Variants in CLEC2B observed in about 807,000 individuals in gnomAD.
CLEC2B encodes C-type lectin domain family 2 member B.
A neutral mutation model predicts 16.2 loss-of-function variants in CLEC2B; 14 were observed. That is an observed-to-expected ratio of 0.86 (90% CI 0.57 to 1.35). The LOEUF (loss-of-function observed/expected upper bound fraction) is 1.35. Ranked by LOEUF, CLEC2B falls within the 40% of genes most tolerant of loss-of-function variation. The pLI, the probability that CLEC2B is intolerant of heterozygous loss-of-function variation, is 0.00. For missense variants in CLEC2B, 166 were observed against 182.3 expected, an observed-to-expected ratio of 0.91 and a Z score of 0.52; for synonymous variants, 42 against 55.8, an observed-to-expected ratio of 0.75 and a Z score of 1.10.
intron 3 of CLEC2B, among the ~76,000 whole-genome samples, chr12:9,855,087 C>T (rs1207315391): frequency 6.6e-6 from 1 of 152,056 alleles, no homozygotes. Flanking sequence ...CTTACCTCGA[C>T]CTTGCTTAAC....
intron 3 of CLEC2B, among the ~76,000 whole-genome samples, chr12:9,856,364 C>T (rs1233570469): frequency 6.6e-6 from 1 of 152,058 alleles, no homozygotes; most frequent in African/African-American, 2.4e-5. Flanking sequence ...TTGCAAAATT[C>T]AGCAGTGACG....
intron 2 of CLEC2B, among the ~76,000 whole-genome samples, chr12:9,858,473 C>G (rs1265236317): frequency 6.6e-6 from 1 of 151,852 alleles, no homozygotes; most frequent in South Asian, 2.1e-4. Context: ...TTTTTGGCAC[C>G]AAACATGATT....
Position 9,857,535 on chromosome 12 carries a change from C to G in CLEC2B, c.176G>C (p.Ser59Thr), listed in dbSNP as rs1308345863. Residue 59 changes from serine (S) to threonine (T), a missense_variant, in exon 3 of 5, where the codon AGT becomes ACT. By Grantham distance (58) the Ser-to-Thr change is moderately conservative. Coordinates refer to ENST00000228438, the MANE Select transcript of CLEC2B (RefSeq NM_005127.3). ...FSKEEGDWNS[S>T]KYNCSTQHAD... ...ATGTTGAGTGGAACAGTTGTATTTA[C>G]TTGAATTCCAATCTCCTTCTTCTTT... The G allele has an allele frequency of 2.5e-6, 4 of 1,611,448 alleles. No individual in the cohort carries two copies. The highest frequency in any genetic ancestry group is 2.5e-6 in the Non-Finnish European group (3 of 1,178,214).
intron 2 of CLEC2B, among the ~76,000 whole-genome samples, chr12:9,860,328 A>T (rs1472112333): frequency 1.3e-5 from 2 of 151,804 alleles, no homozygotes; most frequent in Non-Finnish European, 3.0e-5. Flanking sequence ...TTATATAGGT[A>T]TATATTAAAT....
chr12:9,864,285 A>G (rs1867954481), intron 1 of CLEC2B, among the ~76,000 whole-genome samples: 1 of 152,182 alleles, frequency 6.6e-6, no homozygotes, highest in African/African-American at 2.4e-5. Context: ...ACCACCAGAC[A>G]TATCTTATAA....
At chr12:9,862,318 G>C (rs1359384413) in intron 2 of CLEC2B, among the ~76,000 whole-genome samples, 181 bp downstream of exon 2, 1 of 151,778 alleles carries the variant, frequency 6.6e-6, no homozygotes, top group South Asian at 2.1e-4. Flanking sequence ...CAATAATTTT[G>C]GTATCTCTGA....
At chr12:9,867,280 CCTGTCCATTCAGTGGGATGGAGA>C (rs1867977718) in intron 1 of CLEC2B, 1 of 152,098 alleles carries the variant, frequency 6.6e-6, no homozygotes, top group Non-Finnish European at 1.5e-5. Flanking sequence ...AGTAAACTGT[CCTGTCCATTCAGTGGGATGGAGA>C]CTTGAAGTAA....
intron 1 of CLEC2B, among the ~76,000 whole-genome samples, chr12:9,868,373 C>G (rs11053489): frequency 6.6e-6 from 1 of 151,660 alleles, no homozygotes. Flanking sequence ...GGTTAAAATA[C>G]GGGAGGAAGG....
chr12:9,867,205 T>C (rs1867977349), intron 1 of CLEC2B: 1 of 152,160 alleles, frequency 6.6e-6, no homozygotes, highest in African/African-American at 2.4e-5. Flanking sequence ...TTATACAACC[T>C]GGGAAACTTC....
chr12:9,868,975 A>C (rs1867993709), intron 1 of CLEC2B, among the ~76,000 whole-genome samples: 1 of 152,186 alleles, frequency 6.6e-6, no homozygotes, highest in Non-Finnish European at 1.5e-5. Flanking sequence ...AATCTTGAGC[A>C]GTTTTAAGTC....
chr12:9,854,053 G>T (rs1404989736), intron 4 of CLEC2B, among the ~76,000 whole-genome samples: 2 of 152,034 alleles, frequency 1.3e-5, no homozygotes, highest in African/African-American at 4.8e-5. Flanking sequence ...TCAGAAAATA[G>T]TCAACAAAAA....
chr12:9,868,469 A>G (rs556826527), intron 1 of CLEC2B, among the ~76,000 whole-genome samples: 1 of 152,196 alleles, frequency 6.6e-6, no homozygotes, highest in African/African-American at 2.4e-5. Flanking sequence ...TAAACGGGAA[A>G]TGCTTAAAGC....
At chr12:9,863,480 A>G (rs961807794) in intron 1 of CLEC2B, among the ~76,000 whole-genome samples, 3 of 152,228 alleles carry the variant, frequency 2.0e-5, no homozygotes, top group African/African-American at 7.2e-5. Flanking sequence ...TCTTAATGAA[A>G]TGGCAATATG....
At chr12:9,855,927 A>G (rs1050325687) in intron 3 of CLEC2B, among the ~76,000 whole-genome samples, 5 of 152,102 alleles carry the variant, frequency 3.3e-5, no homozygotes, top group Non-Finnish European at 7.4e-5. Flanking sequence ...TCTCCACTCC[A>G]CAGACAGCTT....
intron 3 of CLEC2B, 47 bp from the exon 4 acceptor site, chr12:9,854,531 G>A: frequency 8.1e-7 from 1 of 1,228,012 alleles, no homozygotes; most frequent in Non-Finnish European, 1.2e-6. Flanking sequence ...CAATTTTTAT[G>A]ACAACCTACT....
chr12:9,853,513 A>C (rs1867868222), intron 4 of CLEC2B, 105 bp from the exon 5 acceptor site: 1 of 795,396 alleles, frequency 1.3e-6, no homozygotes. Context: ...AAGGTGTACT[A>C]TGGCACAGTT....
intron 3 of CLEC2B, 78 bp from the exon 4 acceptor site, chr12:9,854,562 GT>G: frequency 1.1e-6 from 1 of 928,166 alleles, no homozygotes; most frequent in Non-Finnish European, 1.8e-6. Flanking sequence ...TGTTTCGTAG[GT>G]TGTGAAGTGC....
intron 2 of CLEC2B, 145 bp downstream of exon 2, chr12:9,862,354 T>A (rs1423539584): frequency 1.4e-6 from 1 of 726,656 alleles, no homozygotes; most frequent in Non-Finnish European, 2.0e-6. Flanking sequence ...ATGTAATTAA[T>A]AAAATTTATT....
rs2539933 is a variant in CLEC2B at position 9,853,181 on chromosome 12, G to A, written c.*119C>T. On this transcript the variant is annotated 3_prime_UTR_variant, in exon 5 of 5. Coordinates refer to ENST00000228438, the MANE Select transcript of CLEC2B (RefSeq NM_005127.3). ...GTGGCTTTTATGTGTAGCCTGACACGTAAGCAGAATTAACCAGACAGGTAC... is the reference window on the plus strand; with the variant it reads ...GTGGCTTTTATGTGTAGCCTGACACATAAGCAGAATTAACCAGACAGGTAC... 440,139 of 747,502 alleles carry A rather than the reference G, an allele frequency of 0.59. 133,006 individuals are homozygous for A. The highest frequency in any genetic ancestry group is 0.79 in the African/African-American group (45,491 of 57,492). 46.3% of individuals were successfully genotyped at this position (747,502 alleles called of 1,614,324 possible).
Sources: allele counts gnomAD v4.1 joint callset (sites outside exome capture counted in the v4.1 genomes callset), GRCh38; gene constraint gnomAD v4.1.1; transcripts MANE v1.5; gene names NCBI Gene and HGNC (gene_info 2026-07-23, HGNC 2026-07-21).